Variants in TIMP3 observed in about 807,000 individuals in gnomAD.
TIMP3 encodes TIMP metallopeptidase inhibitor 3.
Under a neutral mutation model 30.0 loss-of-function variants are expected in TIMP3, and 11 were observed. The ratio of observed to expected loss-of-function variants is 0.37; its 90% confidence interval spans 0.23 to 0.61. The LOEUF (loss-of-function observed/expected upper bound fraction) is 0.61, where lower values mean the gene tolerates loss of function less well. TIMP3 is among the 20% of genes least tolerant of loss of function. TIMP3 has a pLI of 0.70. For synonymous variants in TIMP3, 112 were observed against 111.3 expected (o/e 1.01, Z -0.04); for missense variants, 181 against 276.8 (o/e 0.65, Z 2.45).
chr22:32,836,968 C>A (rs2047749802), intron 1 of TIMP3, among the ~76,000 whole-genome samples: 1 of 152,210 alleles, frequency 6.6e-6, no homozygotes, highest in Admixed American at 6.5e-5. Flanking sequence ...TTGCTGTCTG[C>A]AAAGGCTGCA....
chr22:32,841,611 C>T (rs574119531), intron 1 of TIMP3, among the ~76,000 whole-genome samples: 1 of 151,382 alleles, frequency 6.6e-6, no homozygotes, highest in East Asian at 2.0e-4. Context: ...TAAATGTAGA[C>T]TAAATGTAGA....
chr22:32,823,976 A>G (rs2047330271), intron 1 of TIMP3, among the ~76,000 whole-genome samples: 1 of 152,154 alleles, frequency 6.6e-6, no homozygotes, highest in Admixed American at 6.5e-5. Flanking sequence ...AAACCCTTAC[A>G]TTCCTGTAAA....
At chr22:32,844,112 A>C (rs565782691) in intron 1 of TIMP3, among the ~76,000 whole-genome samples, 8 of 152,332 alleles carry the variant, frequency 5.3e-5, no homozygotes, top group South Asian at 2.1e-4. Flanking sequence ...CCAAATGGGT[A>C]GCATTGTTGC....
At chr22:32,841,391 C>T (rs142775930) in intron 1 of TIMP3, among the ~76,000 whole-genome samples, 5 of 152,208 alleles carry the variant, frequency 3.3e-5, no homozygotes, top group Non-Finnish European at 5.9e-5. Flanking sequence ...GAAGGTCCCC[C>T]GCCCAAGTGA....
chr22:32,852,456 G>A (rs1422075373), intron 2 of TIMP3, among the ~76,000 whole-genome samples: 2 of 152,204 alleles, frequency 1.3e-5, no homozygotes, highest in African/African-American at 2.4e-5. Context: ...GGAGGGAAGA[G>A]AGAGAGGCCA....
In TIMP3 at chr22:32,857,299, A is replaced by G. The variant is rs373801773; in HGVS notation, c.255A>G (p.Glu85=). 30 of 1,614,014 alleles carry G rather than the reference A, an allele frequency of 1.9e-5. No homozygotes were observed. The highest frequency in any genetic ancestry group is 2.5e-5 in the Non-Finnish European group (30 of 1,180,024). ...KMPHVQYIHT[E]ASESLCGLKL... ...CCCATGTGCAGTACATCCATACGGA[A>G]GCTTCCGAGAGTCTCTGTGGCCTTA... Residue 85 remains glutamate, a synonymous_variant, in exon 3 of 5, where the codon GAA becomes GAG. Transcript: ENST00000266085.
chr22:32,837,106 T>C lies in TIMP3; in HGVS notation c.122-12346T>C, dbSNP rs1000158176. Among the ~76,000 whole-genome samples the C allele has an allele frequency of 2.0e-5, 3 of 152,178 alleles. No individual in the cohort carries two copies. The highest frequency in any genetic ancestry group is 4.4e-5 in the Non-Finnish European group (3 of 68,032). On this transcript the variant is annotated intron_variant, in intron 1 of 4. Transcript: ENST00000266085. This position sits in a 1 kb window ranked among gnomAD's most constrained non-coding sequence, Gnocchi z 4.1. Reference sequence around the variant, plus strand: ...CAATTAGGAGAAAAATAAAATGCTATAGATGGCTCCTGAGATGTTGCCAGC... The same window carrying C: ...CAATTAGGAGAAAAATAAAATGCTACAGATGGCTCCTGAGATGTTGCCAGC...
At chr22:32,828,793 C>T (rs80272) in intron 1 of TIMP3, among the ~76,000 whole-genome samples, 130,839 of 152,166 alleles carry the variant, frequency 0.86, 56,293 homozygotes, top group East Asian at 0.89. Flanking sequence ...CTGGACTGAG[C>T]GTTCCCAGAT....
chr22:32,819,091 C>A lies in TIMP3; in HGVS notation c.121+16969C>A, dbSNP rs78191738. 2.8e-3 allele frequency among the ~76,000 whole-genome samples: 434 copies of A among 152,338 alleles called. 3 individuals are homozygous for A. The highest frequency in any genetic ancestry group is 4.4e-3 in the Non-Finnish European group (299 of 68,038). The stretch of plus-strand genomic sequence containing the variant: ...AGGTGGAGCTGGATCTGCCACTTGG[C>A]CAGGGGGTCACAGGGTTTCAGATTG... On this transcript the variant is annotated intron_variant, in intron 1 of 4. Coordinates refer to ENST00000266085, the MANE Select transcript of TIMP3 (RefSeq NM_000362.5).
Position 32,859,246 on chromosome 22 carries a change from C to G in TIMP3, c.505C>G (p.Leu169Val), listed in dbSNP as rs749155003. The change falls in exon 5 of 5, where the codon CTC becomes GTC. Residue 169 changes from leucine (L) to valine (V), a missense_variant. Around this residue, in one of 3 missense-constraint regions of TIMP3, gnomAD observed 47 missense variants for 63.8 expected, o/e 0.74. Transcript: ENST00000266085. ...GAACGAGTGTCTCTGGACCGACATGCTCTCCAATTTCGGTTACCCTGGCTA... is the reference window on the plus strand; with the variant it reads ...GAACGAGTGTCTCTGGACCGACATGGTCTCCAATTTCGGTTACCCTGGCTA... The part of the protein sequence containing the change: ...SKNECLWTDM[L>V]SNFGYPGYQS... 1 of 1,614,176 alleles carries G rather than the reference C, an allele frequency of 6.2e-7. No homozygotes were observed. The highest frequency in any genetic ancestry group is 1.1e-5 in the South Asian group (1 of 91,086).
chr22:32,833,246 G>A (rs780547208), intron 1 of TIMP3, among the ~76,000 whole-genome samples: 7 of 152,094 alleles, frequency 4.6e-5, no homozygotes, highest in Non-Finnish European at 8.8e-5. Flanking sequence ...TGAGATGGTC[G>A]AAGGACATGG....
At chr22:32,844,560 C>T (rs141090463) in intron 1 of TIMP3, among the ~76,000 whole-genome samples, 4 of 152,114 alleles carry the variant, frequency 2.6e-5, no homozygotes, top group Admixed American at 1.3e-4. Context: ...GCTTCTCAGG[C>T]GCATGATATA....
chr22:32,854,331 C>T (rs920848026), intron 2 of TIMP3, among the ~76,000 whole-genome samples: 21 of 152,110 alleles, frequency 1.4e-4, no homozygotes, highest in Non-Finnish European at 2.6e-4. Context: ...CAAGTAGCTG[C>T]GGTGCCAAGC....
At chr22:32,803,839 T>A (rs1188603788) in intron 1 of TIMP3, among the ~76,000 whole-genome samples, 2 of 152,182 alleles carry the variant, frequency 1.3e-5, no homozygotes, top group Non-Finnish European at 2.9e-5. Flanking sequence ...TGACTTCACT[T>A]GCGTTTTTTT....
At chr22:32,831,465 A>G (rs984652592) in intron 1 of TIMP3, among the ~76,000 whole-genome samples, 2 of 152,130 alleles carry the variant, frequency 1.3e-5, no homozygotes, top group African/African-American at 4.8e-5. Context: ...CTGGATTTTC[A>G]TCTTCATGGC....
intron 1 of TIMP3, among the ~76,000 whole-genome samples, chr22:32,820,367 T>C (rs2047211912): frequency 6.7e-6 from 1 of 149,596 alleles, no homozygotes; most frequent in Non-Finnish European, 1.5e-5. Context: ...TGTGTGTGTG[T>C]GTGTGTGTGT....
rs55686145 is a variant in TIMP3 at position 32,861,391 on chromosome 22, C to CAGA, written c.*2017_*2019dup. On this transcript the variant is annotated 3_prime_UTR_variant, in exon 5 of 5. Coordinates refer to ENST00000266085, the MANE Select transcript of TIMP3 (RefSeq NM_000362.5). Reference sequence around the variant, plus strand: ...GGCCTTCTTTGTGAGGCAGTGTGAGCAGAAGCTGATGCCAGCATGTCACTG... The same window carrying CAGA: ...GGCCTTCTTTGTGAGGCAGTGTGAGCAGAAGAAGCTGATGCCAGCATGTCACTG... The CAGA allele has an allele frequency of 0.28, 41,852 of 152,028 alleles. 5,965 individuals are homozygous for CAGA. The highest frequency in any genetic ancestry group is 0.34 in the African/African-American group (13,941 of 41,434). The allele number at this position is 152,028 out of a possible 1,614,324, so 9.4% of individuals were successfully genotyped here. A position where few individuals can be genotyped will look rare whatever the true frequency, so the allele number is the denominator to read the frequency against.
intron 1 of TIMP3, among the ~76,000 whole-genome samples, chr22:32,830,803 G>A (rs1269864059): frequency 6.6e-6 from 1 of 152,158 alleles, no homozygotes; most frequent in Non-Finnish European, 1.5e-5. Context: ...TGTGGCCCCT[G>A]GCTTCTCCCA....
At chr22:32,810,318 A>G (rs1423935734) in intron 1 of TIMP3, among the ~76,000 whole-genome samples, 3 of 152,070 alleles carry the variant, frequency 2.0e-5, no homozygotes, top group Non-Finnish European at 4.4e-5. Flanking sequence ...ACTACCCAAC[A>G]CTCAAGTCTG....
Sources: gnomAD v4.1 joint callset for allele counts (sites outside exome capture counted in the v4.1 genomes callset) on GRCh38, gnomAD v4.1.1 for gene constraint, gnomAD v4.1.1 regional missense constraint, Gnocchi (gnomAD v3.1) non-coding constraint, MANE v1.5 for transcripts, NCBI Gene and HGNC (gene_info 2026-07-23, HGNC 2026-07-21) for gene names.